Variants in RAD51B observed in about 807,000 individuals in gnomAD.
RAD51B encodes RAD51 paralog B.
In RAD51B, 38 loss-of-function variants were observed where a neutral mutation model predicts 42.2. That is an observed-to-expected ratio of 0.90 (90% confidence interval 0.70 to 1.18). The LOEUF (loss-of-function observed/expected upper bound fraction) is 1.18, where lower values mean the gene tolerates loss of function less well. Ranked by LOEUF, RAD51B falls within the 50% of genes most tolerant of loss-of-function variation. The probability of loss-of-function intolerance (pLI) is 0.00; values close to 1 mark genes in which losing one functional copy is unlikely to be tolerated. For synonymous variants in RAD51B, 154 were observed against 145.2 expected (o/e 1.06, Z -0.43); for missense variants, 373 against 400.7 (o/e 0.93, Z 0.59).
intron 3 of RAD51B, among the ~76,000 whole-genome samples, chr14:67,826,575 A>G (rs1452653842): frequency 6.6e-6 from 1 of 152,218 alleles, no homozygotes; most frequent in African/African-American, 2.4e-5. Context: ...TTTACTGAAC[A>G]CTGAACAATG....
intron 8 of RAD51B, among the ~76,000 whole-genome samples, chr14:68,378,685 CTT>C (rs577901642): frequency 7.1e-6 from 1 of 141,216 alleles, no homozygotes. Flanking sequence ...TTTTTCATTG[CTT>C]TTTTTTTTTC....
At chr14:68,632,984 T>C (rs1188329563) in intron 10 of RAD51B, among the ~76,000 whole-genome samples, 38 of 93,608 alleles carry the variant, frequency 4.1e-4, no homozygotes, top group African/African-American at 1.3e-3. Context: ...TTTTTTTTTT[T>C]TTTTTTTTTT....
chr14:68,502,725 C>T (rs137915835), intron 10 of RAD51B, among the ~76,000 whole-genome samples: 9 of 152,308 alleles, frequency 5.9e-5, no homozygotes, highest in Admixed American at 2.6e-4. Flanking sequence ...TTCTAAGCAT[C>T]GGAAGCTTAA....
At chr14:68,605,403 G>C (rs547986511) in intron 10 of RAD51B, among the ~76,000 whole-genome samples, 33 of 152,362 alleles carry the variant, frequency 2.2e-4, no homozygotes, top group African/African-American at 7.7e-4. Flanking sequence ...GAACAAAGGA[G>C]GGAATCAATT....
chr14:68,500,754 GAGA>G (rs1884861804), intron 10 of RAD51B, among the ~76,000 whole-genome samples: 1 of 152,196 alleles, frequency 6.6e-6, no homozygotes, highest in Non-Finnish European at 1.5e-5. Context: ...GTTGGGAAAA[GAGA>G]AGAACCCCCT....
intron 10 of RAD51B, among the ~76,000 whole-genome samples, chr14:68,604,915 C>T (rs1891384260): frequency 6.6e-6 from 1 of 152,196 alleles, no homozygotes; most frequent in South Asian, 2.1e-4. Context: ...CATGTTTACT[C>T]CATCCCCTCA....
chr14:67,848,104 G>A (rs2041682027), intron 4 of RAD51B, among the ~76,000 whole-genome samples: 2 of 152,168 alleles, frequency 1.3e-5, no homozygotes, highest in African/African-American at 4.8e-5. Context: ...TCCAAACTCC[G>A]ACTCCTTGGT....
At position 68,231,973 on chromosome 14, in the gene RAD51B, T is replaced by G. The variant is rs531555324; in HGVS notation, c.757-59911T>G. Among the ~76,000 whole-genome samples, 52 of 152,126 alleles carry G rather than the reference T, an allele frequency of 3.4e-4. No homozygotes were observed. The South Asian group carries it at 0.011, about 31-fold the overall frequency. On this transcript the variant is annotated intron_variant, in intron 7 of 10. Transcript: ENST00000471583. ...CAGGAAAGAAAGAGATGATAATAAA[T>G]AGTAATAAAATCCAAGTGATTCATA...
intron 8 of RAD51B, among the ~76,000 whole-genome samples, chr14:68,377,444 C>T (rs573613460): frequency 6.6e-6 from 1 of 152,306 alleles, no homozygotes; most frequent in South Asian, 2.1e-4. Context: ...GAGAAACGTT[C>T]CCACTATTAA....
At chr14:68,206,883 G>A (rs900319494) in intron 7 of RAD51B, among the ~76,000 whole-genome samples, 2 of 149,564 alleles carry the variant, frequency 1.3e-5, no homozygotes, top group Non-Finnish European at 3.0e-5. Context: ...CCCGCCTCCC[G>A]GGTTCATGCC....
At chr14:67,824,326 C>G (rs542598401) in intron 2 of RAD51B, among the ~76,000 whole-genome samples, 1 of 152,132 alleles carries the variant, frequency 6.6e-6, no homozygotes, top group Non-Finnish European at 1.5e-5. Flanking sequence ...GGTGCCATAT[C>G]GGCTCACTGC....
chr14:68,483,880 CT>C (rs2140268624), intron 10 of RAD51B, among the ~76,000 whole-genome samples: 1 of 152,150 alleles, frequency 6.6e-6, no homozygotes, highest in South Asian at 2.1e-4. Context: ...CAGTTTAGCC[CT>C]CCTGAGCCTT....
chr14:68,285,163 A>G (rs2081389778), intron 7 of RAD51B, among the ~76,000 whole-genome samples: 1 of 152,312 alleles, frequency 6.6e-6, no homozygotes, highest in Admixed American at 6.5e-5. Context: ...AAAGGACTCA[A>G]TGGACCTGAA....
intron 7 of RAD51B, among the ~76,000 whole-genome samples, chr14:67,909,394 A>T (rs2140109582): frequency 6.6e-6 from 1 of 152,374 alleles, no homozygotes; most frequent in South Asian, 2.1e-4. Flanking sequence ...GCTAGTGAAC[A>T]TGTAAATTAG....
intron 7 of RAD51B, among the ~76,000 whole-genome samples, chr14:68,109,843 G>A (rs371884576): frequency 4.3e-4 from 65 of 152,062 alleles, no homozygotes; most frequent in African/African-American, 1.2e-3. Flanking sequence ...TTAGCCTCTC[G>A]TCAGATTGAA....
intron 7 of RAD51B, among the ~76,000 whole-genome samples, chr14:67,906,460 T>C (rs1415315178): frequency 6.6e-6 from 1 of 152,080 alleles, no homozygotes; most frequent in African/African-American, 2.4e-5. Context: ...ATAGTTTCAG[T>C]AGGATTGGTA....
intron 8 of RAD51B, among the ~76,000 whole-genome samples, chr14:68,400,297 A>C (rs2084062380): frequency 6.6e-6 from 1 of 152,148 alleles, no homozygotes; most frequent in Non-Finnish European, 1.5e-5. Context: ...TTTGAATCTT[A>C]CCCAGAAAGA....
chr14:67,856,476 G>A (rs932024170), intron 4 of RAD51B, among the ~76,000 whole-genome samples: 14 of 151,928 alleles, frequency 9.2e-5, no homozygotes, highest in African/African-American at 1.5e-4. Flanking sequence ...TTGAGCAAAC[G>A]GAGACAAGTA....
intron 7 of RAD51B, among the ~76,000 whole-genome samples, chr14:67,951,093 G>A (rs2074435133): frequency 6.6e-6 from 1 of 152,148 alleles, no homozygotes; most frequent in Non-Finnish European, 1.5e-5. Context: ...GTGAGAATAA[G>A]CAAAATGTGA....
Sources: allele counts gnomAD v4.1 joint callset (sites outside exome capture counted in the v4.1 genomes callset), GRCh38; gene constraint gnomAD v4.1.1; transcripts MANE v1.5; gene names NCBI Gene and HGNC (gene_info 2026-07-23, HGNC 2026-07-21).